Variants in KIAA2012 observed in about 807,000 individuals in gnomAD.
KIAA2012 encodes the protein KIAA2012.
In KIAA2012, 125 loss-of-function variants were observed where a neutral mutation model predicts 150.6. That is an observed-to-expected ratio of 0.83 (90% CI 0.72 to 0.96). The LOEUF (loss-of-function observed/expected upper bound fraction) is 0.96. Ranked by LOEUF, KIAA2012 falls within the 40% of genes least tolerant of loss-of-function variation. KIAA2012 has a pLI of 0.00. For missense variants in KIAA2012, 1,219 were observed against 1,354.9 expected, an observed-to-expected ratio of 0.90 and a Z score of 1.57; for synonymous variants, 462 against 504.7, an observed-to-expected ratio of 0.92 and a Z score of 1.13.
intron 13 of KIAA2012, among the ~76,000 whole-genome samples, chr2:202,151,111 A>AC (rs1691417442): frequency 6.6e-6 from 1 of 152,030 alleles, no homozygotes; most frequent in Non-Finnish European, 1.5e-5. Flanking sequence ...TAATCAGACC[A>AC]CAGGGCCAGG....
At chr2:202,179,945 A>G (rs1370354327) in intron 15 of KIAA2012, 4 of 767,552 alleles carry the variant, frequency 5.2e-6, no homozygotes, top group Non-Finnish European at 8.6e-6. Flanking sequence ...AGCTGGATTT[A>G]GGGGGCTTAC....
chr2:202,175,797 GA>G (rs989273645), intron 15 of KIAA2012, among the ~76,000 whole-genome samples: 2 of 151,584 alleles, frequency 1.3e-5, no homozygotes, highest in Non-Finnish European at 2.9e-5. Flanking sequence ...GTATAATTTT[GA>G]AAAAAAATAA....
intron 12 of KIAA2012, among the ~76,000 whole-genome samples, chr2:202,132,111 G>A (rs769012542): frequency 2.6e-5 from 4 of 152,164 alleles, no homozygotes; most frequent in Non-Finnish European, 5.9e-5. Flanking sequence ...AGGAGGCAGA[G>A]TTTGTGGTGA....
chr2:202,180,269 C>CAAAAAAAAA (rs569117421), intron 15 of KIAA2012, among the ~76,000 whole-genome samples: 1 of 49,336 alleles, frequency 2.0e-5, no homozygotes. Flanking sequence ...GAAACTCCTC[C>CAAAAAAAAA]AAAAAAAAAA....
chr2:202,088,866 C>G (rs924134970), intron 2 of KIAA2012, among the ~76,000 whole-genome samples: 2 of 152,132 alleles, frequency 1.3e-5, no homozygotes, highest in Non-Finnish European at 2.9e-5. Flanking sequence ...CTCTCCATTC[C>G]CTCTACCACT....
intron 13 of KIAA2012, among the ~76,000 whole-genome samples, chr2:202,143,822 C>T (rs1691247494): frequency 6.6e-6 from 1 of 152,116 alleles, no homozygotes; most frequent in Non-Finnish European, 1.5e-5. Context: ...GGATCTCAAT[C>T]CCTTTTTGGC....
chr2:202,133,130 A>ATATATATATATATATTTTTTTTTTTT (rs1279080237), intron 12 of KIAA2012, among the ~76,000 whole-genome samples: 1 of 67,790 alleles, frequency 1.5e-5, no homozygotes, highest in Non-Finnish European at 2.9e-5. Flanking sequence ...ATATATATAT[A>ATATATATATATATATTTTTTTTTTTT]TTTTTTTTTT....
At chr2:202,143,887 A>C (rs540712505) in intron 13 of KIAA2012, among the ~76,000 whole-genome samples, 9 of 152,268 alleles carry the variant, frequency 5.9e-5, no homozygotes, top group South Asian at 2.1e-4. Context: ...CTTTCTGAAA[A>C]ATTGGAACTC....
chr2:202,198,064 C>T (rs1445958807), intron 22 of KIAA2012, among the ~76,000 whole-genome samples: 1 of 150,018 alleles, frequency 6.7e-6, no homozygotes, highest in African/African-American at 2.5e-5. Flanking sequence ...ATTCCAGCTA[C>T]TCGGGAGGCT....
intron 16 of KIAA2012, among the ~76,000 whole-genome samples, 197 bp downstream of exon 16, chr2:202,185,040 A>G (rs1308640357): frequency 6.6e-6 from 1 of 152,136 alleles, no homozygotes; most frequent in Non-Finnish European, 1.5e-5. Context: ...TTTCCTACCT[A>G]AATCATATTT....
intron 11 of KIAA2012, chr2:202,116,871 C>G (rs1287747654): frequency 6.6e-6 from 1 of 152,216 alleles, no homozygotes; most frequent in Non-Finnish European, 1.5e-5. Context: ...CTTGCTCTCT[C>G]TCTCGGATTA....
chr2:202,194,430 GAGTGTTCATTTATTCCTATCCT>G, intron 21 of KIAA2012, 68 bp downstream of exon 21: 1 of 1,507,734 alleles, frequency 6.6e-7, no homozygotes, highest in South Asian at 1.3e-5. Flanking sequence ...ATCCAGCTGT[GAGTGTTCATTTATTCCTATCCT>G]AGGCCTTAGT....
intron 2 of KIAA2012, among the ~76,000 whole-genome samples, chr2:202,088,283 G>T (rs980066323): frequency 6.6e-6 from 1 of 152,090 alleles, no homozygotes; most frequent in Admixed American, 6.5e-5. Context: ...AAGTGAGGGG[G>T]AATAAGTGTT....
intron 13 of KIAA2012, among the ~76,000 whole-genome samples, chr2:202,150,805 C>T (rs1241803807): frequency 6.6e-6 from 1 of 152,174 alleles, no homozygotes; most frequent in Non-Finnish European, 1.5e-5. Context: ...AAACAAAAAA[C>T]CTTCAGGCAT....
intron 3 of KIAA2012, among the ~76,000 whole-genome samples, chr2:202,091,425 A>T (rs540993896): frequency 6.6e-6 from 1 of 152,318 alleles, no homozygotes; most frequent in Non-Finnish European, 1.5e-5. Context: ...TCCTCCCGGA[A>T]GTGAAATGTT....
At chr2:202,113,280 C>A in intron 10 of KIAA2012, 56 bp from the exon 11 acceptor site, 1 of 1,385,824 alleles carries the variant, frequency 7.2e-7, no homozygotes, top group South Asian at 1.3e-5. Context: ...CAGGTTTGGT[C>A]TGTCTCCCTC....
chr2:202,156,211 A>C (rs920872066), intron 14 of KIAA2012, among the ~76,000 whole-genome samples: 2 of 151,784 alleles, frequency 1.3e-5, no homozygotes, highest in African/African-American at 4.8e-5. Context: ...TCTCTATAGA[A>C]AAAAAAAACT....
chr2:202,203,631 G>A (rs1177971845), intron 23 of KIAA2012, among the ~76,000 whole-genome samples: 3 of 152,194 alleles, frequency 2.0e-5, no homozygotes, highest in Non-Finnish European at 2.9e-5. Flanking sequence ...ATATTTCCAT[G>A]ACAGGAAGTT....
chr2:202,134,797 C>T (rs1370343344), intron 12 of KIAA2012, among the ~76,000 whole-genome samples: 2 of 152,208 alleles, frequency 1.3e-5, no homozygotes, highest in Admixed American at 6.5e-5. Context: ...TCAAGTGATC[C>T]GCCCGCCTTG....
Sources: allele counts gnomAD v4.1 joint callset (sites outside exome capture counted in the v4.1 genomes callset), GRCh38; gene constraint gnomAD v4.1.1; transcripts MANE v1.5; gene names NCBI Gene and HGNC (gene_info 2026-07-23, HGNC 2026-07-21).